The following CAP1 variants were observed in gnomAD, a reference collection of about 807,000 sequenced individuals.
CAP1 encodes adenylyl cyclase-associated protein 1.
CAP1 carries 11 observed loss-of-function variants against 58.2 expected under a neutral mutation model. The ratio of observed to expected loss-of-function variants is 0.19; its 90% CI spans 0.12 to 0.31. CAP1 has a LOEUF of 0.31. Ranked by LOEUF, CAP1 falls within the 10% of genes least tolerant of loss-of-function variation. CAP1 has a pLI of 1.00. For synonymous variants in CAP1, 183 were observed against 213.8 expected, an observed-to-expected ratio of 0.86 and a Z score of 1.26; for missense variants, 423 against 587.5, an observed-to-expected ratio of 0.72 and a Z score of 2.89.
chr1:40,045,975 A>G (rs1430789453), intron 1 of CAP1, among the ~76,000 whole-genome samples: 1 of 152,184 alleles, frequency 6.6e-6, no homozygotes, highest in East Asian at 1.9e-4. Flanking sequence ...GGCATGAGCC[A>G]CCACACCTGG....
chr1:40,064,645 C>T lies in CAP1; in HGVS notation c.524+86C>T, dbSNP rs1453765737. On this transcript the variant is annotated intron_variant, in intron 6 of 12. Transcript: ENST00000372805. ...AGGCTGAAGTACAGTGGCACAATCACAGCTCATTGCAGCCTCAACCTCCCA... is the reference window on the plus strand; with the variant it reads ...AGGCTGAAGTACAGTGGCACAATCATAGCTCATTGCAGCCTCAACCTCCCA... The T allele has an allele frequency of 9.4e-6, 9 of 960,144 alleles. No individual in the cohort carries two copies. The East Asian group carries it at 2.0e-4, about 21-fold the overall frequency. The allele number at this position is 960,144 out of a possible 1,614,324, so 59.5% of individuals were successfully genotyped here.
intron 1 of CAP1, among the ~76,000 whole-genome samples, chr1:40,052,551 CTTAT>C (rs914472948): frequency 6.6e-6 from 1 of 151,964 alleles, no homozygotes; most frequent in Non-Finnish European, 1.5e-5. Context: ...TGGGAGAAGC[CTTAT>C]TTATTTATTT....
At chr1:40,044,211 C>T (rs1263261951) in intron 1 of CAP1, among the ~76,000 whole-genome samples, 1 of 151,888 alleles carries the variant, frequency 6.6e-6, no homozygotes, top group Non-Finnish European at 1.5e-5. Flanking sequence ...GCCTGGTCAA[C>T]ATAGTGAGAC....
chr1:40,064,687 C>A, intron 6 of CAP1, 128 bp downstream of exon 6: 1 of 713,650 alleles, frequency 1.4e-6, no homozygotes, highest in Non-Finnish European at 2.5e-6. Flanking sequence ...ACAATCCTCC[C>A]ACCTCAGTCC....
In CAP1 at chr1:40,067,579, C is replaced by A; in HGVS notation, c.670C>A (p.Pro224Thr). 2 of 1,610,300 alleles carry A rather than the reference C, an allele frequency of 1.2e-6. No individual in the cohort carries two copies. The highest frequency in any genetic ancestry group is 8.5e-7 in the Non-Finnish European group (1 of 1,178,074). Reference protein sequence around the residue: ...AKELSGLPSGPSAGSCPPPPP... With the variant: ...AKELSGLPSGTSAGSCPPPPP... ...AGAACTGAGCGGACTGCCATCTGGA[C>A]CCTCTGCCGGATCATGTCCTCCTCC... The change falls in exon 8 of 13, where the codon CCC (proline) becomes ACC (threonine). Residue 224 changes from proline (P) to threonine (T), a missense_variant. By Grantham distance (38) the Pro-to-Thr change is conservative. Transcript: ENST00000372805.
rs780446876 is a variant in CAP1 at position 40,060,111 on chromosome 1, G to A, written c.157G>A (p.Gly53Ser). The change falls in exon 3 of 13, where the codon GGT becomes AGT. Residue 53 changes from glycine (G) to serine (S), a missense_variant. Gly to Ser is a moderately conservative substitution (Grantham distance 56). Transcript: ENST00000372805. ...GCAGGCATTTGACTCGCTGCTTGCT[G>A]GTCCTGTGGCAGAGTACTTGAAGAT... ...YVQAFDSLLA[G>S]PVAEYLKISK... 1.9e-6 allele frequency: 3 copies of A among 1,613,846 alleles called. No individual in the cohort carries two copies. In the East Asian group the frequency reaches 6.7e-5, roughly 36 times the overall value.
chr1:40,069,830 A>G lies in CAP1; in HGVS notation c.949A>G (p.Lys317Glu). 3.1e-6 allele frequency: 5 copies of G among 1,602,952 alleles called. No homozygotes were observed. The highest frequency in any genetic ancestry group is 4.3e-6 in the Non-Finnish European group (5 of 1,175,560). ...TSPSPKRATKKEPAVLELEGK... is the reference protein window; with the variant it reads ...TSPSPKRATKEEPAVLELEGK... ...CCCATCCCCCAAACGAGCCACAAAG[A>G]AGGAGCCAGCTGTACTTGAACTGGA... Residue 317 changes from lysine to glutamate, a missense_variant, in exon 9 of 13, where the codon AAG becomes GAG. Transcript: ENST00000372805.
intron 1 of CAP1, among the ~76,000 whole-genome samples, chr1:40,056,167 T>C (rs549707615): frequency 3.7e-4 from 57 of 152,350 alleles, no homozygotes; most frequent in Middle Eastern, 3.4e-3. Context: ...GCCCAACAGT[T>C]TCCAGTTACT....
intron 1 of CAP1, among the ~76,000 whole-genome samples, chr1:40,042,489 C>T (rs898201812): frequency 1.3e-5 from 2 of 152,244 alleles, no homozygotes; most frequent in South Asian, 2.1e-4. Context: ...CCTGGAGAAC[C>T]GGACAGCTGA....
intron 3 of CAP1, among the ~76,000 whole-genome samples, 199 bp from the exon 4 acceptor site, chr1:40,061,536 A>G (rs1254904788): frequency 6.6e-6 from 1 of 152,214 alleles, no homozygotes; most frequent in Non-Finnish European, 1.5e-5. Flanking sequence ...CTCTGGATAT[A>G]TATCCCTGAT....
chr1:40,066,275 T>G lies in CAP1; in HGVS notation c.585T>G (p.Ala195=), dbSNP rs1360415326. The G allele has an allele frequency of 6.2e-6, 10 of 1,612,212 alleles. No individual in the cohort carries two copies. The highest frequency in any genetic ancestry group is 8.5e-6 in the Non-Finnish European group (10 of 1,178,562). ...TAAGTATATGGACAGAGCTGCAGGCTTACATTAAGGAGTTCCATACCACCG... is the reference window on the plus strand; with the variant it reads ...TAAGTATATGGACAGAGCTGCAGGCGTACATTAAGGAGTTCCATACCACCG... ...AYLSIWTELQ[A]YIKEFHTTGL... is the part of the protein sequence containing the mutation. Residue 195 remains alanine, a synonymous_variant, in exon 7 of 13, where the codon GCT becomes GCG. Transcript: ENST00000372805.
chr1:40,059,073 A>C (rs1324569806), intron 1 of CAP1, among the ~76,000 whole-genome samples: 1 of 147,868 alleles, frequency 6.8e-6, no homozygotes, highest in African/African-American at 2.5e-5. Flanking sequence ...TTGAATGAGT[A>C]AGCATTTACT....
chr1:40,058,648 C>T (rs990938309), intron 1 of CAP1, among the ~76,000 whole-genome samples: 1 of 152,014 alleles, frequency 6.6e-6, no homozygotes, highest in Non-Finnish European at 1.5e-5. Flanking sequence ...TTGAACCCAA[C>T]AGGGTGGAGC....
chr1:40,072,458 T>C lies in CAP1; in HGVS notation c.*925T>C, dbSNP rs1206704400. 7 of 177,794 alleles carry C rather than the reference T, an allele frequency of 3.9e-5. No homozygotes were observed. Among genetic ancestry groups the C allele is most frequent in the Non-Finnish European group, 8.2e-5 (7 of 85,684 alleles). 11.0% of individuals were successfully genotyped at this position (177,794 alleles called of 1,614,324 possible). ...TAGGTCTTGAATTATGTAAGAATCT[T>C]GCACAGCACTGCTAATGTAAATTTC... is the stretch of plus-strand genomic sequence containing the variant. On this transcript the variant is annotated 3_prime_UTR_variant, in exon 13 of 13. Transcript: ENST00000372805.
chr1:40,046,118 T>A (rs1022118817), intron 1 of CAP1, among the ~76,000 whole-genome samples: 4 of 152,220 alleles, frequency 2.6e-5, no homozygotes, highest in Non-Finnish European at 5.9e-5. Flanking sequence ...TTCCTTGTAT[T>A]TAGAGTGCTT....
chr1:40,046,919 C>T (rs3131684), intron 1 of CAP1, among the ~76,000 whole-genome samples: 82,674 of 151,642 alleles, frequency 0.55, 24,177 homozygotes, highest in Non-Finnish European at 0.67. Context: ...ACTACAGGTG[C>T]GCACCACCAC....
chr1:40,040,377 G>C (rs1032672609), upstream of CAP1: 3 of 152,296 alleles, frequency 2.0e-5, no homozygotes, highest in Non-Finnish European at 4.4e-5. Flanking sequence ...CAAACTGACA[G>C]AGGAACTGGT....
At chr1:40,069,661 C>G (rs1370339091) in intron 8 of CAP1, 29 bp from the exon 9 acceptor site, 3 of 1,594,534 alleles carry the variant, frequency 1.9e-6, no homozygotes, top group South Asian at 1.1e-5. Context: ...GTATGAAGGA[C>G]AGGAACAAGG....
At chr1:40,049,887 ACAGT>A (rs1646277086) in intron 1 of CAP1, among the ~76,000 whole-genome samples, 1 of 152,196 alleles carries the variant, frequency 6.6e-6, no homozygotes. Flanking sequence ...TGCTGTGCTC[ACAGT>A]CAGTACCATA....
Sources: gnomAD v4.1 joint callset for allele counts (sites outside exome capture counted in the v4.1 genomes callset) on GRCh38, gnomAD v4.1.1 for gene constraint, MANE v1.5 for transcripts, NCBI Gene and HGNC (gene_info 2026-07-23, HGNC 2026-07-21) for gene names.